MED12: variants seen among roughly 807,000 people sequenced by gnomAD.
MED12 encodes mediator complex subunit 12, also known as mediator of RNA polymerase II transcription subunit 12.
In MED12, 10 loss-of-function variants were observed where a neutral mutation model predicts 177.7. That is an observed-to-expected ratio of 0.06 (90% CI 0.03 to 0.10). MED12 has a LOEUF of 0.10. Ranked by LOEUF, MED12 falls within the 10% of genes least tolerant of loss-of-function variation. The probability of loss-of-function intolerance (pLI) is 1.00; values close to 1 mark genes in which losing one functional copy is unlikely to be tolerated. For missense variants in MED12, 867 were observed against 1,780.8 expected (o/e 0.49, Z 9.23); for synonymous variants, 641 against 678.4 (o/e 0.94, Z 0.86).
At chrX:71,140,935 G>C in intron 42 of MED12, 78 bp downstream of exon 42, 1 of 1,191,210 alleles carries the variant, frequency 8.4e-7, no homozygotes, top group Non-Finnish European at 1.1e-6. Context: ...CACAGTTACC[G>C]AGACTAAACA....
At position 71,125,861 on chromosome X, in the gene MED12, C is replaced by G. The variant is rs1249729343; in HGVS notation, c.2422+148C>G. ...ACTGTCCCCTTCCCTTCATTCCTCC[C>G]CCATCCCTTCCTTGACCCTCCCTTC... On this transcript the variant is annotated intron_variant, in intron 17 of 44. Coordinates refer to ENST00000374080, the MANE Select transcript of MED12 (RefSeq NM_005120.3). 5.0e-6 allele frequency: 3 copies of G among 605,611 alleles called. No homozygotes were observed. The African/African-American group carries it at 6.8e-5, about 14-fold the overall frequency. 49.9% of individuals were successfully genotyped at this position (605,611 alleles called of 1,213,427 possible). A position where few individuals can be genotyped will look rare whatever the true frequency, so the allele number is the denominator to read the frequency against.
At chrX:71,133,299 A>G (rs2092323454) in intron 33 of MED12, 87 bp downstream of exon 33, 2 of 637,107 alleles carry the variant, frequency 3.1e-6, no homozygotes, top group Non-Finnish European at 5.2e-6. Context: ...GAATGGGGGT[A>G]AGGATAGAGG....
In MED12 at chrX:71,119,573, G is replaced by C. The variant is rs1010509418; in HGVS notation, c.204+96G>C. ...GAAGACTTATAGGGACAACCTAAGTGGCTGAGTTTGCCTTCATGACCTAAT... is the reference window on the plus strand; with the variant it reads ...GAAGACTTATAGGGACAACCTAAGTCGCTGAGTTTGCCTTCATGACCTAAT... On this transcript the variant is annotated intron_variant, in intron 2 of 44. Transcript: ENST00000374080. 4 of 1,075,418 alleles carry C rather than the reference G, an allele frequency of 3.7e-6. No individual in the cohort carries two copies. In the African/African-American group the frequency reaches 5.5e-5, roughly 15 times the overall value. The allele number at this position is 1,075,418 out of a possible 1,213,427, so 88.6% of individuals were successfully genotyped here.
intron 36 of MED12, among the ~76,000 whole-genome samples, 189 bp downstream of exon 36, chrX:71,135,442 A>G (rs1046974671): frequency 1.4e-4 from 15 of 110,523 alleles, no homozygotes; most frequent in African/African-American, 4.9e-4. Flanking sequence ...CCATCTTTGA[A>G]GTCCCACCCT....
At chrX:71,127,630 C>T (rs1279866840) in intron 21 of MED12, 163 bp downstream of exon 21, 2 of 512,538 alleles carry the variant, frequency 3.9e-6, no homozygotes, top group Non-Finnish European at 6.6e-6. Context: ...AGTGGGCCCT[C>T]TTCCTCAGCA....
chrX:71,121,372 T>C lies in MED12; in HGVS notation c.781T>C (p.Cys261Arg). The stretch of plus-strand genomic sequence containing the variant: ...TGAGTTCCTGACCTGGGTGCTTGAG[T>C]GTTTTGAGAAGATCCGCCCTGGAGA... ...RHEFLTWVLECFEKIRPGEDE... is the reference protein window; with the variant it reads ...RHEFLTWVLERFEKIRPGEDE... Residue 261 changes from cysteine to arginine, a missense_variant, in exon 6 of 45, where the codon TGT (cysteine) becomes CGT (arginine). Cys to Arg is a radical substitution (Grantham distance 180, BLOSUM62 -3). Coordinates refer to ENST00000374080, the MANE Select transcript of MED12 (RefSeq NM_005120.3). 1 of 1,211,638 alleles carries C rather than the reference T, an allele frequency of 8.3e-7. No individual in the cohort carries two copies. The highest frequency in any genetic ancestry group is 1.1e-6 in the Non-Finnish European group (1 of 895,483).
At chrX:71,123,555 G>A (rs959431730) in intron 11 of MED12, 39 bp from the exon 12 acceptor site, 39 of 1,206,435 alleles carry the variant, frequency 3.2e-5, no homozygotes, top group Non-Finnish European at 4.4e-5. Context: ...GAAGAAGCAG[G>A]TAAAAGTCAG....
rs1242901823 is a variant in MED12 at position 71,126,385 on chromosome X, C to T, written c.2586C>T (p.Gly862=). ...VLEQITSFAL[G]MSYHLPLVQH... is the part of the protein sequence containing the mutation. Reference sequence around the variant, plus strand: ...AGCAGATCACGAGCTTTGCCCTTGGCATGTCATACCACTTGCCTCTGGTGC... The same window carrying T: ...AGCAGATCACGAGCTTTGCCCTTGGTATGTCATACCACTTGCCTCTGGTGC... Residue 862 remains glycine (G), a synonymous_variant, in exon 19 of 45, where the codon GGC becomes GGT. Transcript: ENST00000374080. The T allele has an allele frequency of 1.7e-6, 2 of 1,210,308 alleles. No individual in the cohort carries two copies. The highest frequency in any genetic ancestry group is 2.2e-6 in the Non-Finnish European group (2 of 895,027).
At chrX:71,131,506 G>A (rs2147811667) in intron 28 of MED12, 44 bp from the exon 29 acceptor site, 14 of 1,167,729 alleles carry the variant, frequency 1.2e-5, no homozygotes, top group Non-Finnish European at 1.6e-5. Context: ...GTAGCTGGGG[G>A]TAACACGATG....
At chrX:71,138,972 C>T (rs1163069361) in intron 41 of MED12, among the ~76,000 whole-genome samples, 4 of 111,072 alleles carry the variant, frequency 3.6e-5, no homozygotes, top group Non-Finnish European at 7.5e-5. Flanking sequence ...GGATTAAGAA[C>T]ACTGGGGAGT....
intron 28 of MED12, among the ~76,000 whole-genome samples, chrX:71,131,310 A>G (rs1188453605): frequency 9.1e-6 from 1 of 110,325 alleles, no homozygotes; most frequent in African/African-American, 3.3e-5. Context: ...TTGTATTTTT[A>G]GTAGAGATGG....
chrX:71,134,885 T>C, intron 35 of MED12, 37 bp downstream of exon 35: 2 of 1,208,860 alleles, frequency 1.7e-6, no homozygotes, highest in Non-Finnish European at 2.2e-6. Context: ...TTGCGGTTAC[T>C]GGAATCTGCT....
In MED12 at chrX:71,123,220, G is replaced by A. The variant is rs2092294069; in HGVS notation, c.1611G>A (p.Glu537=). ...KLLEKRQAEI[E]AERCGESEAA... ...TGGAGAAGAGACAGGCGGAGATTGA[G>A]GCTGAGGTTAGAGGGCAGAGATAAG... The change falls in exon 11 of 45, where the codon GAG becomes GAA. Residue 537 remains glutamate, a synonymous_variant. Coordinates refer to ENST00000374080, the MANE Select transcript of MED12 (RefSeq NM_005120.3). The A allele has an allele frequency of 8.3e-7, 1 of 1,211,707 alleles. No individual in the cohort carries two copies. The highest frequency in any genetic ancestry group is 1.1e-6 in the Non-Finnish European group (1 of 895,517).
intron 1 of MED12, 56 bp from the exon 2 acceptor site, chrX:71,119,317 A>T (rs1254890916): frequency 1.1e-6 from 1 of 896,270 alleles, no homozygotes; most frequent in Admixed American, 2.6e-5. Context: ...CTACTCTCCC[A>T]CCCCTTCCCC....
intron 17 of MED12, 110 bp from the exon 18 acceptor site, chrX:71,125,926 C>T: frequency 1.8e-6 from 1 of 553,890 alleles, no homozygotes; most frequent in Non-Finnish European, 3.3e-6. Context: ...TCCCTCCTTC[C>T]ATCTCTCCCT....
Position 71,121,063 on chromosome X carries a change from G to T in MED12, c.646G>T (p.Gly216Cys), listed in dbSNP as rs746326251. 3 of 1,209,950 alleles carry T rather than the reference G, an allele frequency of 2.5e-6. No individual in the cohort carries two copies. The South Asian group carries it at 5.3e-5, about 21-fold the overall frequency. The change falls in exon 5 of 45, where the codon GGT becomes TGT. Residue 216 changes from glycine (G) to cysteine (C), a missense_variant. By Grantham distance (159) the Gly-to-Cys change is radical. Around this residue, in one of 14 missense-constraint regions of MED12, gnomAD observed 309 missense variants for 556.3 expected, o/e 0.56. Transcript: ENST00000374080. ...AGGGCCTGCAGGAAGTGGGGGCTGT[G>T]GTTCCACGATAGGGCCCTTGCCCCA... Reference protein sequence around the residue: ...RPGPAGSGGCGSTIGPLPHDV... With the variant: ...RPGPAGSGGCCSTIGPLPHDV...
Position 71,124,252 on chromosome X carries a change from T to C in MED12, c.1838T>C (p.Met613Thr). ...CGACATGATGTTTTCTCCCACAACA[T>C]GTATACTTGCACTCTCATCTCCCGA... is the stretch of plus-strand genomic sequence containing the variant. ...LIRHDVFSHNMYTCTLISRGD... is the reference protein window; with the variant it reads ...LIRHDVFSHNTYTCTLISRGD... Residue 613 changes from methionine to threonine, a missense_variant, in exon 13 of 45, where the codon ATG (methionine) becomes ACG (threonine). This residue lies in a region of MED12 where 309 missense variants were observed against 556.3 expected (regional missense o/e 0.56). Coordinates refer to ENST00000374080, the MANE Select transcript of MED12 (RefSeq NM_005120.3). 1 of 1,210,934 alleles carries C rather than the reference T, an allele frequency of 8.3e-7. No homozygotes were observed. The highest frequency in any genetic ancestry group is 1.8e-5 in the South Asian group (1 of 56,976).
chrX:71,141,194 T>C (rs1346062863), intron 42 of MED12, 36 bp from the exon 43 acceptor site: 2 of 1,161,549 alleles, frequency 1.7e-6, no homozygotes, highest in East Asian at 3.3e-5. Context: ...GCTTCCTCCC[T>C]CTGCTCCTTC....
At position 71,134,397 on chromosome X, in the gene MED12, A is replaced by G; in HGVS notation, c.4658A>G (p.Gln1553Arg). The change falls in exon 34 of 45, where the codon CAG (glutamine) becomes CGG (arginine). Residue 1553 changes from glutamine (Q) to arginine (R), a missense_variant. This residue lies in a region of MED12 where 34 missense variants were observed against 58.9 expected (regional missense o/e 0.58). Transcript: ENST00000374080. ...GACACGGTGCAGCGCAGCACCCAGC[A>G]GACCACGGAGTGGGCCATGCTCCTC... The part of the protein sequence containing the change: ...MFDTVQRSTQ[Q>R]TTEWAMLLLE... 1 of 1,169,136 alleles carries G rather than the reference A, an allele frequency of 8.6e-7. No individual in the cohort carries two copies. Among genetic ancestry groups the G allele is most frequent in the Non-Finnish European group, 1.1e-6 (1 of 872,017 alleles).
Sources: allele counts gnomAD v4.1 joint callset (sites outside exome capture counted in the v4.1 genomes callset), GRCh38; gene constraint gnomAD v4.1.1; regional missense constraint gnomAD v4.1.1; transcripts MANE v1.5; gene names NCBI Gene and HGNC (gene_info 2026-07-23, HGNC 2026-07-21).